The following PTOV1 variants were observed in gnomAD, a reference collection of about 807,000 sequenced individuals.
The protein encoded by PTOV1 is prostate tumor-overexpressed gene 1 protein.
A neutral mutation model predicts 58.0 loss-of-function variants in PTOV1; 20 were observed. That is an observed-to-expected ratio of 0.34 (90% CI 0.24 to 0.50). PTOV1 has a LOEUF of 0.50. Ranked by LOEUF, PTOV1 falls within the 20% of genes least tolerant of loss-of-function variation. The pLI is 0.98. For missense variants in PTOV1, 593 were observed against 565.4 expected, an observed-to-expected ratio of 1.05 and a Z score of -0.50; for synonymous variants, 335 against 234.2, an observed-to-expected ratio of 1.43 and a Z score of -3.93.
intron 7 of PTOV1, 22 bp from the exon 8 acceptor site, chr19:49,857,882 C>T: frequency 6.2e-7 from 1 of 1,612,980 alleles, no homozygotes; most frequent in Non-Finnish European, 8.5e-7. Context: ...CTGAGGGCTC[C>T]TCTTTGCCTC....
At chr19:49,851,293 C>T (rs1416190654) in exon 1 of PTOV1, 1 of 1,061,928 alleles carries the variant, frequency 9.4e-7, no homozygotes, top group Non-Finnish European at 1.1e-6. Flanking sequence ...CCTTGTGGCC[C>T]GCGGCAGCTC....
At chr19:49,851,756 C>A (rs1213344199) in intron 1 of PTOV1, 15 of 1,089,752 alleles carry the variant, frequency 1.4e-5, no homozygotes, top group Non-Finnish European at 1.7e-5. Flanking sequence ...GCTGACTCCG[C>A]GGCCCGATTT....
Sources: gnomAD v4.1 joint callset for allele counts on GRCh38, gnomAD v4.1.1 for gene constraint, MANE v1.5 for transcripts, NCBI Gene and HGNC (gene_info 2026-07-23, HGNC 2026-07-21) for gene names.